IL1RAPL2: variants seen among roughly 807,000 people sequenced by gnomAD.
IL1RAPL2 encodes the protein X-linked interleukin-1 receptor accessory protein-like 2.
A neutral mutation model predicts 44.1 loss-of-function variants in IL1RAPL2; 3 were observed. The observed-to-expected ratio is 0.07, with a 90% confidence interval of 0.03 to 0.18. IL1RAPL2 has a LOEUF of 0.18. IL1RAPL2 is among the 10% of genes least tolerant of loss of function. The pLI is 1.00. For missense variants in IL1RAPL2, 391 were observed against 496.4 expected (o/e 0.79, Z 2.02); for synonymous variants, 181 against 178.8 (o/e 1.01, Z -0.10).
rs781887260 is a variant in IL1RAPL2 at position 105,223,019 on chromosome X, G to A, written c.357-10799G>A. ...ACAAAAATTAGCTGGGCGTAATGGC[G>A]CACGCCTGTAGTCCCAGCTACTTGG... On this transcript the variant is annotated intron_variant, in intron 3 of 10. Coordinates refer to ENST00000372582, the MANE Select transcript of IL1RAPL2 (RefSeq NM_017416.2). Among the ~76,000 whole-genome samples the A allele has an allele frequency of 2.1e-4, 23 of 110,363 alleles. No homozygotes were observed. In the South Asian group the frequency reaches 8.4e-3, roughly 40 times the overall value.
intron 5 of IL1RAPL2, among the ~76,000 whole-genome samples, chrX:105,471,629 G>T (rs2036166696): frequency 1.8e-5 from 2 of 108,603 alleles, no homozygotes; most frequent in Admixed American, 9.9e-5. Context: ...ATATATGCTA[G>T]TGAGCACTGG....
chrX:105,748,712 G>A (rs1292466971), intron 8 of IL1RAPL2, among the ~76,000 whole-genome samples: 1 of 112,035 alleles, frequency 8.9e-6, no homozygotes, highest in Non-Finnish European at 1.9e-5. Context: ...CGTTCAAAAC[G>A]AATTGAGAGC....
At chrX:105,485,712 G>A (rs1056151827) in intron 6 of IL1RAPL2, among the ~76,000 whole-genome samples, 3 of 111,561 alleles carry the variant, frequency 2.7e-5, no homozygotes, top group Non-Finnish European at 3.8e-5. Context: ...TGTGAAATTC[G>A]TCTTTCTGTG....
intron 2 of IL1RAPL2, among the ~76,000 whole-genome samples, chrX:104,726,217 T>C (rs1931788912): frequency 9.0e-6 from 1 of 111,395 alleles, no homozygotes; most frequent in South Asian, 3.8e-4. Context: ...CTGAGGCCTC[T>C]GTTCTGTTCC....
intron 2 of IL1RAPL2, among the ~76,000 whole-genome samples, chrX:105,077,557 G>A (rs187915369): frequency 0.063 from 6,916 of 110,406 alleles, 602 homozygotes; most frequent in African/African-American, 0.22. Flanking sequence ...TCTTTGTGGC[G>A]TTCTCTGTAT....
chrX:104,598,172 G>A (rs1424205041), intron 1 of IL1RAPL2, among the ~76,000 whole-genome samples: 1 of 112,294 alleles, frequency 8.9e-6, no homozygotes, highest in Non-Finnish European at 1.9e-5. Context: ...TGGAATATCA[G>A]TAGGCTTGCC....
intron 2 of IL1RAPL2, among the ~76,000 whole-genome samples, chrX:104,837,318 T>C (rs147832276): frequency 0.013 from 1,435 of 111,653 alleles, 22 homozygotes; most frequent in African/African-American, 0.044. Context: ...TCTTCCACAA[T>C]GGTTGAACTA....
intron 2 of IL1RAPL2, among the ~76,000 whole-genome samples, chrX:104,733,113 CA>C (rs1320170664): frequency 9.0e-6 from 1 of 111,329 alleles, no homozygotes; most frequent in African/African-American, 3.3e-5. Flanking sequence ...GAAAACTATA[CA>C]AAAAACTTTT....
At chrX:105,607,863 T>C (rs971519693) in intron 6 of IL1RAPL2, among the ~76,000 whole-genome samples, 4 of 110,154 alleles carry the variant, frequency 3.6e-5, no homozygotes, top group African/African-American at 1.3e-4. Flanking sequence ...GTTTAAAAGA[T>C]TCTGGAATTA....
At chrX:104,647,619 T>C in intron 1 of IL1RAPL2, 1 of 533,301 alleles carries the variant, frequency 1.9e-6, no homozygotes, top group Non-Finnish European at 3.4e-6. Flanking sequence ...ACCACCGACT[T>C]GAGGATCTTG....
intron 6 of IL1RAPL2, among the ~76,000 whole-genome samples, chrX:105,684,356 C>G (rs2037951217): frequency 8.9e-6 from 1 of 112,952 alleles, no homozygotes; most frequent in Admixed American, 9.3e-5. Flanking sequence ...AAGGTCTTAG[C>G]AACTGGCAGA....
At chrX:105,152,280 T>C (rs1418119656) in intron 2 of IL1RAPL2, among the ~76,000 whole-genome samples, 3 of 112,277 alleles carry the variant, frequency 2.7e-5, no homozygotes, top group Non-Finnish European at 5.6e-5. Flanking sequence ...CAATTCTTCT[T>C]ATGAAAGAAT....
intron 4 of IL1RAPL2, among the ~76,000 whole-genome samples, chrX:105,249,657 C>T (rs2034253284): frequency 9.0e-6 from 1 of 110,579 alleles, no homozygotes; most frequent in South Asian, 3.7e-4. Context: ...CATTGAGGTA[C>T]TATTATGTAA....
chrX:104,956,159 C>T (rs1296195926), intron 2 of IL1RAPL2, among the ~76,000 whole-genome samples: 1 of 112,063 alleles, frequency 8.9e-6, no homozygotes, highest in East Asian at 2.8e-4. Context: ...GGAGAGTCCT[C>T]CTTTTCCTTC....
intron 6 of IL1RAPL2, among the ~76,000 whole-genome samples, chrX:105,700,561 G>A (rs989224713): frequency 7.2e-5 from 8 of 111,471 alleles, no homozygotes; most frequent in Non-Finnish European, 1.3e-4. Context: ...ACTTCATGGT[G>A]ACATTTTGCT....
chrX:105,327,336 A>T (rs1296804652), intron 5 of IL1RAPL2, among the ~76,000 whole-genome samples: 1 of 111,834 alleles, frequency 8.9e-6, no homozygotes, highest in African/African-American at 3.3e-5. Flanking sequence ...ACCAAGAAAC[A>T]TTCTTCTTTC....
At chrX:105,729,901 GA>G (rs1263420686) in intron 7 of IL1RAPL2, among the ~76,000 whole-genome samples, 3,562 of 76,868 alleles carry the variant, frequency 0.046, 315 homozygotes, top group African/African-American at 0.19. Context: ...AGGAAGGAAG[GA>G]AGGAAGGAAG....
intron 5 of IL1RAPL2, among the ~76,000 whole-genome samples, chrX:105,368,392 C>T (rs2035311906): frequency 9.0e-6 from 1 of 111,577 alleles, no homozygotes; most frequent in Non-Finnish European, 1.9e-5. Context: ...AATAAACTTA[C>T]TTTCTTCATA....
chrX:105,704,934 G>A (rs769547482), intron 6 of IL1RAPL2, among the ~76,000 whole-genome samples: 2 of 111,456 alleles, frequency 1.8e-5, no homozygotes, highest in South Asian at 3.7e-4. Flanking sequence ...GTAACCAAGT[G>A]CAAATTCTGT....
Sources: allele counts gnomAD v4.1 joint callset (sites outside exome capture counted in the v4.1 genomes callset), GRCh38; gene constraint gnomAD v4.1.1; transcripts MANE v1.5; gene names NCBI Gene and HGNC (gene_info 2026-07-23, HGNC 2026-07-21).